The following LMF1 variants were observed in gnomAD, a reference collection of about 807,000 sequenced individuals.
The protein encoded by LMF1 is transmembrane protein 112.
LMF1 carries 68 observed loss-of-function variants against 60.6 expected under a neutral mutation model. The ratio of observed to expected loss-of-function variants is 1.12; its 90% CI spans 0.92 to 1.37. The LOEUF (loss-of-function observed/expected upper bound fraction) is 1.37. Among genes scored for constraint, LMF1 ranks in the 40% most tolerant of loss-of-function variants. LMF1 has a pLI of 0.00. For missense variants in LMF1, 948 were observed against 767.2 expected (o/e 1.24, Z -2.78); for synonymous variants, 418 against 324.7 (o/e 1.29, Z -3.09).
chr16:953,215 C>G (rs563829432), intron 2 of LMF1, among the ~76,000 whole-genome samples: 10 of 90,584 alleles, frequency 1.1e-4, no homozygotes, highest in South Asian at 4.0e-4. Context: ...ACACAGACAC[C>G]CACCCCAAAC....
At chr16:886,105 TACG>T (rs1285623178) in intron 5 of LMF1, among the ~76,000 whole-genome samples, 3 of 152,272 alleles carry the variant, frequency 2.0e-5, no homozygotes, top group Non-Finnish European at 4.4e-5. Flanking sequence ...CAGTGCATGT[TACG>T]ACATTTGATT....
intron 5 of LMF1, among the ~76,000 whole-genome samples, chr16:889,228 G>A (rs148137949): frequency 6.6e-6 from 1 of 152,258 alleles, no homozygotes; most frequent in Non-Finnish European, 1.5e-5. Context: ...CCCTCCAGGG[G>A]GCTGGCCCCT....
At chr16:859,954 G>A (rs2069403233) in intron 10 of LMF1, among the ~76,000 whole-genome samples, 1 of 126,036 alleles carries the variant, frequency 7.9e-6, no homozygotes, top group African/African-American at 5.1e-5. Context: ...GGATGGGTGT[G>A]CAGTGATGGT....
chr16:968,430 A>T (rs1042231038), intron 1 of LMF1: 2 of 152,280 alleles, frequency 1.3e-5, no homozygotes, highest in Non-Finnish European at 2.9e-5. Context: ...ACATTGTAAA[A>T]TTCAGTATCA....
chr16:976,367 C>A (rs1380497724), intron 1 of LMF1: 4 of 454,030 alleles, frequency 8.8e-6, no homozygotes, highest in Non-Finnish European at 4.4e-6. Flanking sequence ...TGTCTGGCGT[C>A]AGACAGCACC....
Position 870,795 on chromosome 16 carries a change from G to T in LMF1, c.1166C>A (p.Ser389Tyr). 6.2e-7 allele frequency: 1 copy of T among 1,612,824 alleles called. No individual in the cohort carries two copies. The highest frequency in any genetic ancestry group is 8.5e-7 in the Non-Finnish European group (1 of 1,179,708). The part of the protein sequence containing the change: ...SVPVVLNLLS[S>Y]RQVMNTHFNS... ...GAAGTGGGTGTTCATGACCTGCCTG[G>T]AGCTCAGCAAGTTGAGGACCACGGG... Residue 389 changes from serine (S) to tyrosine (Y), a missense_variant, in exon 8 of 11, where the codon TCC becomes TAC. Ser to Tyr is a moderately radical substitution (Grantham distance 144, BLOSUM62 -2). Transcript: ENST00000262301.
intron 2 of LMF1, among the ~76,000 whole-genome samples, chr16:951,635 A>T (rs1393477000): frequency 6.6e-6 from 1 of 152,232 alleles, no homozygotes; most frequent in Admixed American, 6.5e-5. Flanking sequence ...CAAAACAAAA[A>T]CGTGCAAGTC....
intron 10 of LMF1, chr16:856,162 G>A (rs919167792): frequency 1.7e-4 from 61 of 362,802 alleles, no homozygotes; most frequent in African/African-American, 1.0e-3. Flanking sequence ...GGTGGCTCCC[G>A]TCCACTCCAG....
intron 3 of LMF1, among the ~76,000 whole-genome samples, chr16:929,960 C>A (rs12929009): frequency 2.8e-5 from 4 of 143,176 alleles, no homozygotes; most frequent in African/African-American, 5.1e-5. Context: ...CAGCAGTCGC[C>A]TCTGTCTGAA....
chr16:958,212 G>A (rs966094544), intron 1 of LMF1, among the ~76,000 whole-genome samples: 6 of 152,128 alleles, frequency 3.9e-5, no homozygotes, highest in African/African-American at 1.2e-4. Flanking sequence ...AACACCAAAA[G>A]CATAATCTAT....
chr16:889,961 T>C (rs1161248690), intron 5 of LMF1, among the ~76,000 whole-genome samples: 1 of 152,164 alleles, frequency 6.6e-6, no homozygotes, highest in Admixed American at 6.5e-5. Flanking sequence ...TGGCTGGCCC[T>C]GCTGCCCACC....
intron 3 of LMF1, among the ~76,000 whole-genome samples, chr16:923,174 G>A (rs1190222397): frequency 2.6e-5 from 4 of 152,082 alleles, no homozygotes; most frequent in Non-Finnish European, 4.4e-5. Flanking sequence ...TCAGGTGTAC[G>A]AGGAGGCATT....
chr16:938,127 G>A (rs964136187), intron 2 of LMF1, among the ~76,000 whole-genome samples: 2 of 152,234 alleles, frequency 1.3e-5, no homozygotes, highest in African/African-American at 2.4e-5. Context: ...GAGAGGGGGT[G>A]GAGCACCCAC....
At chr16:941,288 G>T (rs2072095150) in intron 2 of LMF1, among the ~76,000 whole-genome samples, 1 of 151,716 alleles carries the variant, frequency 6.6e-6, no homozygotes, top group African/African-American at 2.4e-5. Context: ...GGAGTGCAGT[G>T]GCTCACTGCA....
intron 4 of LMF1, among the ~76,000 whole-genome samples, chr16:898,808 G>T (rs752717320): frequency 6.6e-6 from 1 of 152,202 alleles, no homozygotes; most frequent in Admixed American, 6.5e-5. Context: ...CTGTGATCAC[G>T]GTTTTAACTT....
intron 10 of LMF1, among the ~76,000 whole-genome samples, chr16:862,363 T>A (rs1596841923): frequency 6.6e-6 from 1 of 152,108 alleles, no homozygotes; most frequent in East Asian, 1.9e-4. Flanking sequence ...AGGCTGGTCT[T>A]GAACTCCTGA....
intron 4 of LMF1, among the ~76,000 whole-genome samples, chr16:909,533 C>T (rs562479557): frequency 6.6e-6 from 1 of 152,128 alleles, no homozygotes; most frequent in East Asian, 1.9e-4. Flanking sequence ...ACACGCTATA[C>T]CAAGCCACGC....
intron 4 of LMF1, among the ~76,000 whole-genome samples, chr16:908,941 T>G (rs1331706886): frequency 1.3e-5 from 2 of 152,064 alleles, no homozygotes; most frequent in East Asian, 3.9e-4. Context: ...AGCTGGAGGC[T>G]CCCTGCCTGG....
Position 932,695 on chromosome 16 carries a change from T to C in LMF1, c.514+1549A>G, listed in dbSNP as rs1288681686. On this transcript the variant is annotated intron_variant, in intron 3 of 10. Transcript: ENST00000262301. ...TTCAGCCCCCAAACTGCTAAGATTA[T>C]AGGCATAAGCCACTGCACCCACCCT... is the stretch of plus-strand genomic sequence containing the variant. Among the ~76,000 whole-genome samples, 5 of 152,242 alleles carry C rather than the reference T, an allele frequency of 3.3e-5. No homozygotes were observed. The East Asian group carries it at 9.6e-4, about 29-fold the overall frequency.
Sources: gnomAD v4.1 joint callset for allele counts (sites outside exome capture counted in the v4.1 genomes callset) on GRCh38, gnomAD v4.1.1 for gene constraint, MANE v1.5 for transcripts, NCBI Gene and HGNC (gene_info 2026-07-23, HGNC 2026-07-21) for gene names.